The following ASTN2 variants were observed in gnomAD, a reference collection of about 807,000 sequenced individuals.
ASTN2 encodes the protein astrotactin 2.
A neutral mutation model predicts 139.8 loss-of-function variants in ASTN2; 54 were observed. That is an observed-to-expected ratio of 0.39 (90% CI 0.31 to 0.48). The LOEUF is 0.48. Among genes scored for constraint, ASTN2 ranks in the 20% least tolerant of loss-of-function variants. The probability of loss-of-function intolerance (pLI) is 0.95; values close to 1 mark genes in which losing one functional copy is unlikely to be tolerated. For missense variants in ASTN2, 1,565 were observed against 1,725.1 expected (o/e 0.91, Z 1.64); for synonymous variants, 756 against 719.5 (o/e 1.05, Z -0.81).
chr9:116,805,906 T>G (rs1831018208), intron 12 of ASTN2, 86 bp from the exon 13 acceptor site: 2 of 1,347,660 alleles, frequency 1.5e-6, no homozygotes, highest in Admixed American at 4.0e-5. Context: ...CTCCTTTCCC[T>G]GCAAAACAGG....
At chr9:116,569,091 C>T (rs4836764) in intron 19 of ASTN2, among the ~76,000 whole-genome samples, 27,606 of 152,092 alleles carry the variant, frequency 0.18, 2,961 homozygotes, top group African/African-American at 0.29. Flanking sequence ...ACCTGAGTTA[C>T]CTTCTTTCTA....
intron 19 of ASTN2, among the ~76,000 whole-genome samples, chr9:116,558,218 T>G (rs28421129): frequency 0.016 from 2,384 of 152,248 alleles, 65 homozygotes; most frequent in African/African-American, 0.054. Flanking sequence ...CTGGAGACTT[T>G]CAGATAAGAT....
intron 1 of ASTN2, among the ~76,000 whole-genome samples, chr9:117,394,735 C>A (rs1169471537): frequency 6.6e-6 from 1 of 152,110 alleles, no homozygotes; most frequent in Non-Finnish European, 1.5e-5. Flanking sequence ...GTAAAAACCC[C>A]AGTTTGGCTG....
intron 11 of ASTN2, among the ~76,000 whole-genome samples, chr9:116,824,552 A>G (rs1454381172): frequency 2.6e-5 from 4 of 152,218 alleles, no homozygotes; most frequent in African/African-American, 7.2e-5. Flanking sequence ...TCCAGCCCCA[A>G]TCAAGCCTGT....
chr9:117,222,938 A>G (rs1271104113), intron 2 of ASTN2, among the ~76,000 whole-genome samples: 1 of 152,202 alleles, frequency 6.6e-6, no homozygotes, highest in Non-Finnish European at 1.5e-5. Context: ...CCAAGTAGAA[A>G]ACATATATGA....
Position 116,442,557 on chromosome 9 carries a change from C to A in ASTN2, c.3498-4G>T, listed in dbSNP as rs200558886. On this transcript the variant is annotated splice_region_variant and splice_polypyrimidine_tract_variant and intron_variant, in intron 20 of 22. Transcript: ENST00000313400. ...ATCCACAGCATACAGAGTGAACCTG[C>A]AGCACAGCAAGAAAACAGAGCACCA... is the stretch of plus-strand genomic sequence containing the variant. The A allele has an allele frequency of 5.0e-6, 8 of 1,613,786 alleles. No homozygotes were observed. In the Admixed American group the frequency reaches 1.2e-4, roughly 24 times the overall value.
intron 5 of ASTN2, among the ~76,000 whole-genome samples, chr9:117,053,107 A>G (rs530399431): frequency 6.6e-6 from 1 of 152,320 alleles, no homozygotes; most frequent in Non-Finnish European, 1.5e-5. Flanking sequence ...AAGCCTCAAA[A>G]CCTAGGCACT....
chr9:116,838,665 T>C (rs1832094851), intron 11 of ASTN2, among the ~76,000 whole-genome samples: 1 of 150,602 alleles, frequency 6.6e-6, no homozygotes, highest in Non-Finnish European at 1.5e-5. Flanking sequence ...CCTCAGGTGA[T>C]CCACCCGCCT....
chr9:117,114,280 G>A (rs201818039), intron 4 of ASTN2, among the ~76,000 whole-genome samples: 5 of 151,670 alleles, frequency 3.3e-5, no homozygotes, highest in South Asian at 4.2e-4. Flanking sequence ...ACTCATTATC[G>A]AATGACACTC....
intron 13 of ASTN2, among the ~76,000 whole-genome samples, chr9:116,780,843 CT>C (rs35531108): frequency 1.4e-4 from 20 of 144,768 alleles, no homozygotes; most frequent in South Asian, 1.3e-3. Flanking sequence ...ATGTCAAATT[CT>C]TTTTTTTTTT....
At chr9:117,008,711 A>G (rs1375287621) in intron 6 of ASTN2, among the ~76,000 whole-genome samples, 2 of 152,206 alleles carry the variant, frequency 1.3e-5, no homozygotes, top group African/African-American at 4.8e-5. Context: ...TTAAATTTCA[A>G]AGGAAAAGAA....
chr9:116,679,393 T>A lies in ASTN2; in HGVS notation c.2807-27600A>T, dbSNP rs1186503103. On this transcript the variant is annotated intron_variant, in intron 16 of 22. Coordinates refer to ENST00000313400, the MANE Select transcript of ASTN2 (RefSeq NM_001365068.1). ...AGAAGCACTGTCAAATAGGAAATGATGTTTGGCTTTCTTTGGAACATTTGT... is the reference window on the plus strand; with the variant it reads ...AGAAGCACTGTCAAATAGGAAATGAAGTTTGGCTTTCTTTGGAACATTTGT... Among the ~76,000 whole-genome samples, 4 of 152,310 alleles carry A rather than the reference T, an allele frequency of 2.6e-5. No individual in the cohort carries two copies. In the East Asian group the frequency reaches 7.7e-4, roughly 29 times the overall value.
chr9:117,332,567 C>A (rs1430230753), intron 1 of ASTN2, among the ~76,000 whole-genome samples: 4 of 151,936 alleles, frequency 2.6e-5, no homozygotes, highest in Non-Finnish European at 5.9e-5. Context: ...CCATCTCAAA[C>A]AAACAAACAA....
At chr9:116,443,770 C>A (rs1224980998) in intron 20 of ASTN2, among the ~76,000 whole-genome samples, 1 of 152,128 alleles carries the variant, frequency 6.6e-6, no homozygotes, top group Non-Finnish European at 1.5e-5. Context: ...TTTTCACCAG[C>A]TTTTAAGGGT....
At chr9:116,964,111 T>G (rs1835939527) in intron 10 of ASTN2, among the ~76,000 whole-genome samples, 1 of 152,212 alleles carries the variant, frequency 6.6e-6, no homozygotes, top group African/African-American at 2.4e-5. Context: ...CTCTTTGATA[T>G]TAGTCTTCTT....
chr9:117,014,820 G>T (rs1837630667), intron 6 of ASTN2, among the ~76,000 whole-genome samples: 1 of 152,090 alleles, frequency 6.6e-6, no homozygotes, highest in African/African-American at 2.4e-5. Context: ...AGGACACAGG[G>T]AGAGGACAGC....
At chr9:116,609,585 A>G (rs1393792059) in intron 19 of ASTN2, among the ~76,000 whole-genome samples, 2 of 151,832 alleles carry the variant, frequency 1.3e-5, no homozygotes, top group Non-Finnish European at 2.9e-5. Flanking sequence ...ACAAAATATA[A>G]GAAATAGTAA....
chr9:117,163,112 A>G (rs541011096), intron 3 of ASTN2, among the ~76,000 whole-genome samples: 1 of 152,192 alleles, frequency 6.6e-6, no homozygotes, highest in South Asian at 2.1e-4. Context: ...GAGGGGTTAC[A>G]AACAGTAGCT....
intron 1 of ASTN2, among the ~76,000 whole-genome samples, chr9:117,380,853 C>T (rs1218799564): frequency 6.6e-6 from 1 of 152,094 alleles, no homozygotes; most frequent in East Asian, 1.9e-4. Context: ...CTTGGCAGTT[C>T]CTCAAAAACT....
Sources: gnomAD v4.1 joint callset for allele counts (sites outside exome capture counted in the v4.1 genomes callset) on GRCh38, gnomAD v4.1.1 for gene constraint, MANE v1.5 for transcripts, NCBI Gene and HGNC (gene_info 2026-07-23, HGNC 2026-07-21) for gene names.